VPS13B: variants seen among roughly 807,000 people sequenced by gnomAD.
VPS13B encodes the protein vacuolar protein sorting 13 homolog B, also known as intermembrane lipid transfer protein VPS13B.
Under a neutral mutation model 426.4 loss-of-function variants are expected in VPS13B, and 285 were observed. That is an observed-to-expected ratio of 0.67 (90% CI 0.61 to 0.74). VPS13B has a LOEUF of 0.74. Among genes scored for constraint, VPS13B ranks in the 30% least tolerant of loss-of-function variants. The pLI is 0.00. For missense variants in VPS13B, 4,537 were observed against 4,782.6 expected (o/e 0.95, Z 1.51); for synonymous variants, 1,676 against 1,676.4 (o/e 1.00, Z 0.01).
chr8:99,872,000 G>A (rs148839221), intron 61 of VPS13B, among the ~76,000 whole-genome samples: 1 of 152,328 alleles, frequency 6.6e-6, no homozygotes, highest in Non-Finnish European at 1.5e-5. Flanking sequence ...TGGCTTGGCC[G>A]TCATGGGGCT....
intron 19 of VPS13B, among the ~76,000 whole-genome samples, chr8:99,316,954 G>A (rs543270854): frequency 2.0e-5 from 3 of 152,134 alleles, no homozygotes; most frequent in South Asian, 2.1e-4. Context: ...AAATAATGTC[G>A]AATCTTGATA....
At chr8:99,472,207 A>G (rs921297098) in intron 24 of VPS13B, among the ~76,000 whole-genome samples, 1 of 152,124 alleles carries the variant, frequency 6.6e-6, no homozygotes, top group Admixed American at 6.6e-5. Flanking sequence ...ACTGGATTAA[A>G]AATAAATAAT....
At chr8:99,516,896 T>G (rs1287436194) in intron 29 of VPS13B, among the ~76,000 whole-genome samples, 1 of 151,758 alleles carries the variant, frequency 6.6e-6, no homozygotes, top group African/African-American at 2.4e-5. Flanking sequence ...GAAACTTTAT[T>G]ATAAAAATAT....
chr8:99,725,815 A>G (rs979122530), intron 39 of VPS13B, among the ~76,000 whole-genome samples: 3 of 152,188 alleles, frequency 2.0e-5, no homozygotes, highest in Admixed American at 2.0e-4. Flanking sequence ...GTCTAATGTC[A>G]TTACATTACT....
At chr8:99,023,280 C>T (rs919547190) in intron 2 of VPS13B, among the ~76,000 whole-genome samples, 7 of 151,900 alleles carry the variant, frequency 4.6e-5, no homozygotes, top group African/African-American at 1.7e-4. Flanking sequence ...CTAGTAACCA[C>T]TGTTATACTC....
chr8:99,135,651 T>G lies in VPS13B; in HGVS notation c.1481T>G (p.Leu494Arg), dbSNP rs1287279177. ...TTGAGTACGAAAGGTTTCACATACC[T>G]TACAAATTCATTGTTTGATTACCGA... ...DNLSTKGFTY[L>R]TNSLFDYRSP... Residue 494 changes from leucine (L) to arginine (R), a missense_variant, in exon 11 of 62, where the codon CTT becomes CGT. This residue lies in a region of VPS13B where 4,311 missense variants were observed against 4,474.3 expected (regional missense o/e 0.96). Coordinates refer to ENST00000357162, the MANE Select transcript of VPS13B (RefSeq NM_152564.5). 1 of 1,613,488 alleles carries G rather than the reference T, an allele frequency of 6.2e-7. No homozygotes were observed. Among genetic ancestry groups the G allele is most frequent in the South Asian group, 1.1e-5 (1 of 91,060 alleles).
At chr8:99,262,490 A>C (rs1588185468) in intron 17 of VPS13B, among the ~76,000 whole-genome samples, 1 of 152,040 alleles carries the variant, frequency 6.6e-6, no homozygotes, top group Non-Finnish European at 1.5e-5. Flanking sequence ...AGTATTTCCT[A>C]GCGAGCCACT....
At chr8:99,195,125 G>T (rs996768977) in intron 17 of VPS13B, among the ~76,000 whole-genome samples, 3 of 152,132 alleles carry the variant, frequency 2.0e-5, no homozygotes, top group African/African-American at 7.2e-5. Context: ...GATTATAGGC[G>T]TGAAGGTTGT....
chr8:99,343,402 T>A (rs1811361522), intron 19 of VPS13B, among the ~76,000 whole-genome samples: 1 of 152,226 alleles, frequency 6.6e-6, no homozygotes, highest in Non-Finnish European at 1.5e-5. Flanking sequence ...TTGCCCATTT[T>A]TCAGTTAGGT....
chr8:99,848,746 T>G (rs1309212707), intron 54 of VPS13B, 30 bp from the exon 55 acceptor site: 1 of 1,605,086 alleles, frequency 6.2e-7, no homozygotes, highest in Non-Finnish European at 8.5e-7. Context: ...TTATTTCTTT[T>G]TAATCAGATT....
intron 19 of VPS13B, among the ~76,000 whole-genome samples, chr8:99,285,871 A>T (rs934488087): frequency 6.6e-6 from 1 of 152,152 alleles, no homozygotes; most frequent in South Asian, 2.1e-4. Flanking sequence ...TATTCAGTTC[A>T]GTATACATGG....
intron 33 of VPS13B, among the ~76,000 whole-genome samples, chr8:99,637,139 A>G (rs778096300): frequency 2.0e-5 from 3 of 152,032 alleles, no homozygotes; most frequent in Non-Finnish European, 4.4e-5. Flanking sequence ...GAGTTATTAT[A>G]TTGTGAACTC....
At chr8:99,134,551 T>G (rs1809970111) in intron 8 of VPS13B, 81 bp from the exon 9 acceptor site, 2 of 1,187,024 alleles carry the variant, frequency 1.7e-6, no homozygotes, top group African/African-American at 3.1e-5. Flanking sequence ...TGGCCTTGTT[T>G]TAATCAATTA....
intron 52 of VPS13B, among the ~76,000 whole-genome samples, chr8:99,833,473 GA>G (rs1815201895): frequency 6.6e-6 from 1 of 152,174 alleles, no homozygotes; most frequent in Non-Finnish European, 1.5e-5. Context: ...AGACAAGAGA[GA>G]TTTTTTTAAT....
At chr8:99,252,094 A>AT (rs1817534866) in intron 17 of VPS13B, among the ~76,000 whole-genome samples, 1 of 151,328 alleles carries the variant, frequency 6.6e-6, no homozygotes, top group Non-Finnish European at 1.5e-5. Flanking sequence ...TATCTTTGTT[A>AT]TTTTTTGTCC....
At chr8:99,437,898 G>C (rs550216335) in intron 22 of VPS13B, among the ~76,000 whole-genome samples, 109 of 152,054 alleles carry the variant, frequency 7.2e-4, no homozygotes, top group African/African-American at 2.4e-3. Context: ...TGATAAAATA[G>C]AAATGTGCTG....
intron 12 of VPS13B, among the ~76,000 whole-genome samples, chr8:99,139,216 T>G (rs552373290): frequency 5.3e-5 from 8 of 152,318 alleles, no homozygotes; most frequent in African/African-American, 1.9e-4. Flanking sequence ...GTGTTTCTTT[T>G]CTACCACACT....
intron 35 of VPS13B, among the ~76,000 whole-genome samples, chr8:99,698,341 C>T (rs1045954258): frequency 6.6e-6 from 1 of 152,134 alleles, no homozygotes; most frequent in Admixed American, 6.5e-5. Context: ...CTCGGCTGCC[C>T]TGCCCCCAGG....
chr8:99,132,908 T>G (rs1438809973), intron 8 of VPS13B, among the ~76,000 whole-genome samples: 3 of 152,172 alleles, frequency 2.0e-5, no homozygotes, highest in African/African-American at 7.2e-5. Flanking sequence ...TTTTTTCCAT[T>G]CATAGAGCAC....
Sources: allele counts gnomAD v4.1 joint callset (sites outside exome capture counted in the v4.1 genomes callset), GRCh38; gene constraint gnomAD v4.1.1; regional missense constraint gnomAD v4.1.1; transcripts MANE v1.5; gene names NCBI Gene and HGNC (gene_info 2026-07-23, HGNC 2026-07-21).